Variants in ZNF423 observed in about 807,000 individuals in gnomAD.
The protein encoded by ZNF423 is zinc finger protein 423, also known as Ebf-associated zinc finger protein.
In ZNF423, 12 loss-of-function variants were observed where a neutral mutation model predicts 95.8. That is an observed-to-expected ratio of 0.13 (90% CI 0.08 to 0.20). The LOEUF (loss-of-function observed/expected upper bound fraction) is 0.20. Ranked by LOEUF, ZNF423 falls within the 10% of genes least tolerant of loss-of-function variation. The pLI is 1.00. For missense variants in ZNF423, 1,316 were observed against 1,737.1 expected (o/e 0.76, Z 4.31); for synonymous variants, 749 against 711.9 (o/e 1.05, Z -0.83).
chr16:49,689,312 G>A (rs1032329739), intron 3 of ZNF423, among the ~76,000 whole-genome samples: 2 of 149,934 alleles, frequency 1.3e-5, no homozygotes, highest in Non-Finnish European at 3.0e-5. Flanking sequence ...AGGAGAATTA[G>A]CCAGGCGTGG....
At chr16:49,655,979 T>A (rs1322533612) in intron 3 of ZNF423, among the ~76,000 whole-genome samples, 1 of 152,012 alleles carries the variant, frequency 6.6e-6, no homozygotes, top group Non-Finnish European at 1.5e-5. Context: ...AGTCTCCAAC[T>A]CTCCAAGTGT....
chr16:49,661,885 AC>A (rs1404606545), intron 3 of ZNF423, among the ~76,000 whole-genome samples: 3 of 152,154 alleles, frequency 2.0e-5, no homozygotes, highest in Admixed American at 6.5e-5. Flanking sequence ...TCTAATCTTC[AC>A]CAAGAGGGAA....
In ZNF423 at chr16:49,815,898, ATATATATATATATATATTTTTTTTTTTTT is replaced by A. The variant is rs1567356354; in HGVS notation, c.41-26381_41-26353del. Among the ~76,000 whole-genome samples the A allele has an allele frequency of 5.2e-4, 25 of 47,774 alleles. 1 individual carries two copies. The highest frequency in any genetic ancestry group is 6.1e-4 in the Non-Finnish European group (16 of 26,212). 31.3% of individuals were successfully genotyped at this position (47,774 alleles called of 152,430 possible). A position where few individuals can be genotyped will look rare whatever the true frequency, so the allele number is the denominator to read the frequency against. ...AAAAAAAAAATATATATATATATAT[ATATATATATATATATATTTTTTTTTTTTT>A]TTTTTTTTTGAGACAAAGTCTCACT... is the stretch of plus-strand genomic sequence containing the variant. On this transcript the variant is annotated intron_variant, in intron 1 of 7. Coordinates refer to ENST00000563137, the MANE Select transcript of ZNF423 (RefSeq NM_001379286.1).
chr16:49,644,490 T>C (rs1596779976), intron 3 of ZNF423, among the ~76,000 whole-genome samples: 1 of 130,150 alleles, frequency 7.7e-6, no homozygotes, highest in Non-Finnish European at 1.7e-5. Context: ...CCCTGTCTCT[T>C]AAAAAAAAAA....
At chr16:49,610,986 A>T (rs1249394660) in intron 5 of ZNF423, among the ~76,000 whole-genome samples, 1 of 152,116 alleles carries the variant, frequency 6.6e-6, no homozygotes, top group African/African-American at 2.4e-5. Context: ...GCACCAAACA[A>T]CAGAGCTGCA....
chr16:49,694,328 C>T (rs752021822), intron 3 of ZNF423, among the ~76,000 whole-genome samples: 3 of 152,082 alleles, frequency 2.0e-5, no homozygotes, highest in African/African-American at 7.2e-5. Flanking sequence ...AGATGTGTGG[C>T]GGGCTGAATG....
intron 3 of ZNF423, among the ~76,000 whole-genome samples, chr16:49,673,630 C>A (rs1196637884): frequency 6.6e-6 from 1 of 152,276 alleles, no homozygotes; most frequent in African/African-American, 2.4e-5. Context: ...CACATGGGCA[C>A]ACGTGTGTCA....
chr16:49,857,306 TGGC>T (rs59062897), upstream of ZNF423, among the ~76,000 whole-genome samples: 81 of 144,462 alleles, frequency 5.6e-4, 1 homozygote, highest in African/African-American at 1.6e-3. This position sits in a 1 kb window ranked among gnomAD's most constrained non-coding sequence, Gnocchi z 6.2. Context: ...CGGACCGTGG[TGGC>T]GGCGGCGGCG....
Position 49,590,430 on chromosome 16 carries a change from A to T in ZNF423, c.3601+35740T>A, listed in dbSNP as rs185757173. Among the ~76,000 whole-genome samples, 4 of 152,222 alleles carry T rather than the reference A, an allele frequency of 2.6e-5. No homozygotes were observed. In the East Asian group the frequency reaches 7.8e-4, roughly 30 times the overall value. ...GGCATCACGGCTGCTTCGGGGGGCA[A>T]GGGTCTTCTGGAAAAGAGAAAGCCA... is the stretch of plus-strand genomic sequence containing the variant. On this transcript the variant is annotated intron_variant, in intron 5 of 7. Transcript: ENST00000563137.
intron 1 of ZNF423, among the ~76,000 whole-genome samples, chr16:49,824,575 G>A (rs934345470): frequency 3.9e-5 from 6 of 152,162 alleles, no homozygotes; most frequent in African/African-American, 1.4e-4. Flanking sequence ...CTCAGCTCTG[G>A]CCAGATTTCA....
At chr16:49,594,960 A>T (rs887821990) in intron 5 of ZNF423, among the ~76,000 whole-genome samples, 5 of 152,110 alleles carry the variant, frequency 3.3e-5, no homozygotes, top group Non-Finnish European at 7.4e-5. Context: ...TGCTCCCAAA[A>T]CACAGACAAG....
At chr16:49,590,148 T>C (rs1445809290) in intron 5 of ZNF423, among the ~76,000 whole-genome samples, 1 of 151,158 alleles carries the variant, frequency 6.6e-6, no homozygotes, top group Non-Finnish European at 1.5e-5. Flanking sequence ...AACACATTGA[T>C]TTTCCCGCAG....
At chr16:49,590,647 G>A (rs1036157205) in intron 5 of ZNF423, among the ~76,000 whole-genome samples, 3 of 152,124 alleles carry the variant, frequency 2.0e-5, no homozygotes, top group Non-Finnish European at 1.5e-5. Context: ...TCTTCTCCTC[G>A]ATTTCTCTTC....
chr16:49,626,628 A>C (rs1197836181), intron 4 of ZNF423, among the ~76,000 whole-genome samples: 1 of 143,988 alleles, frequency 6.9e-6, no homozygotes, highest in East Asian at 2.2e-4. Flanking sequence ...TACATACACA[A>C]TCACCCATCT....
At chr16:49,829,775 C>T (rs947408566) in intron 1 of ZNF423, among the ~76,000 whole-genome samples, 1 of 152,046 alleles carries the variant, frequency 6.6e-6, no homozygotes, top group Non-Finnish European at 1.5e-5. Context: ...TGTTCTTCCT[C>T]AAAGAACAAG....
In ZNF423 at chr16:49,603,469, G is replaced by C. The variant is rs1279867457; in HGVS notation, c.3601+22701C>G. 6.6e-6 allele frequency among the ~76,000 whole-genome samples: 1 copy of C among 152,138 alleles called. No homozygotes were observed. Among genetic ancestry groups the C allele is most frequent in the East Asian group, 1.9e-4 (1 of 5,190 alleles). On this transcript the variant is annotated intron_variant, in intron 5 of 7. Transcript: ENST00000563137. This position sits in a 1 kb window ranked among gnomAD's most constrained non-coding sequence, Gnocchi z 4.1. ...TTGTCCCCCCGGCTGGAGTGCAGTG[G>C]TGTGATCTCAGCTTGCTGCGACCTC... is the stretch of plus-strand genomic sequence containing the variant.
At chr16:49,823,913 T>C (rs889024034) in intron 1 of ZNF423, among the ~76,000 whole-genome samples, 2 of 151,990 alleles carry the variant, frequency 1.3e-5, no homozygotes, top group Admixed American at 6.5e-5. Flanking sequence ...CTGGGCAATA[T>C]AGTGAGACCT....
intron 1 of ZNF423, among the ~76,000 whole-genome samples, chr16:49,792,375 A>G (rs1188796944): frequency 6.6e-6 from 1 of 152,180 alleles, no homozygotes; most frequent in Non-Finnish European, 1.5e-5. Context: ...AACATTTTGG[A>G]GCTCTGGGGG....
intron 5 of ZNF423, among the ~76,000 whole-genome samples, chr16:49,602,841 G>C (rs1394307890): frequency 6.6e-6 from 1 of 152,158 alleles, no homozygotes; most frequent in East Asian, 1.9e-4. Context: ...TCATTCCCTC[G>C]GTGGCCCCGC....
Sources: gnomAD v4.1 joint callset for allele counts (sites outside exome capture counted in the v4.1 genomes callset) on GRCh38, gnomAD v4.1.1 for gene constraint, Gnocchi (gnomAD v3.1) non-coding constraint, MANE v1.5 for transcripts, NCBI Gene and HGNC (gene_info 2026-07-23, HGNC 2026-07-21) for gene names.